ENTPD5: variants seen among roughly 807,000 people sequenced by gnomAD.
ENTPD5 encodes nucleoside diphosphate phosphatase ENTPD5.
A neutral mutation model predicts 60.2 loss-of-function variants in ENTPD5; 49 were observed. The ratio of observed to expected loss-of-function variants is 0.81; its 90% confidence interval spans 0.65 to 1.03. The LOEUF (loss-of-function observed/expected upper bound fraction) is 1.03. Among genes scored for constraint, ENTPD5 ranks in the 50% least tolerant of loss-of-function variants. ENTPD5 has a pLI of 0.00. For synonymous variants in ENTPD5, 187 were observed against 185.4 expected, an observed-to-expected ratio of 1.01 and a Z score of -0.07; for missense variants, 480 against 507.6, an observed-to-expected ratio of 0.95 and a Z score of 0.52.
chr14:73,990,443 T>C (rs1352600757), intron 3 of ENTPD5, among the ~76,000 whole-genome samples: 2 of 151,886 alleles, frequency 1.3e-5, no homozygotes, highest in African/African-American at 2.4e-5. Context: ...CAAGTGATCC[T>C]TCCTCCTTAG....
At chr14:73,961,934 A>G (rs1158979004), downstream of ENTPD5, 4 of 1,612,772 alleles carry the variant, frequency 2.5e-6, no homozygotes, top group Non-Finnish European at 3.4e-6. Flanking sequence ...ATGACTTTGC[A>G]AACAGCTCTT....
intron 5 of ENTPD5, among the ~76,000 whole-genome samples, chr14:73,983,521 G>A (rs910889876): frequency 6.6e-6 from 1 of 151,440 alleles, no homozygotes; most frequent in African/African-American, 2.4e-5. Flanking sequence ...CTACTCGGGA[G>A]GCTGAGGCAA....
intron 5 of ENTPD5, among the ~76,000 whole-genome samples, chr14:73,984,666 A>G (rs1327977624): frequency 6.6e-6 from 1 of 151,976 alleles, no homozygotes; most frequent in Non-Finnish European, 1.5e-5. Context: ...TGCTTTCAAC[A>G]GCTCCTAATT....
chr14:73,984,537 T>A (rs2057821449), intron 5 of ENTPD5, among the ~76,000 whole-genome samples: 1 of 152,198 alleles, frequency 6.6e-6, no homozygotes, highest in African/African-American at 2.4e-5. Context: ...TTATTTTAAA[T>A]CCACTATTTC....
At position 74,018,179 on chromosome 14, in the gene ENTPD5, G is replaced by GAAAAA. The variant is rs35872561; in HGVS notation, c.-238+1066_-238+1070dup. Among the ~76,000 whole-genome samples the GAAAAA allele has an allele frequency of 1.3e-4, 16 of 122,698 alleles. 1 individual carries two copies. The East Asian group carries it at 2.1e-3, about 16-fold the overall frequency. 80.5% of individuals were successfully genotyped at this position (122,698 alleles called of 152,430 possible). On this transcript the variant is annotated intron_variant, in intron 1 of 15. Transcript: ENST00000334696. The stretch of plus-strand genomic sequence containing the variant: ...CTGGGTGACAGAAGACTCTCTCTCA[G>GAAAAA]AAAAAAAAAAAAAAAAGTTTACAAG...
chr14:73,963,218 G>T, downstream of ENTPD5: 1 of 585,572 alleles, frequency 1.7e-6, no homozygotes, highest in Non-Finnish European at 3.0e-6. Context: ...AACTTCGAAG[G>T]AAGACTTACA....
chr14:73,958,809 T>G, downstream of ENTPD5: 4 of 1,522,638 alleles, frequency 2.6e-6, no homozygotes, highest in Non-Finnish European at 2.6e-6. Context: ...GATGTGACAG[T>G]GCAGGGGCTC....
intron 3 of ENTPD5, among the ~76,000 whole-genome samples, chr14:73,999,491 C>T (rs990139277): frequency 2.1e-5 from 3 of 144,770 alleles, no homozygotes; most frequent in African/African-American, 5.2e-5. Flanking sequence ...CTGCCCCCCA[C>T]CCCCCCAAAA....
At position 73,966,334 on chromosome 14, in the gene ENTPD5, A is replaced by G. The variant is rs1202719294; in HGVS notation, c.*594T>C. On this transcript the variant is annotated 3_prime_UTR_variant, in exon 16 of 16. Transcript: ENST00000334696. Reference sequence around the variant, plus strand: ...AGGCTGTAATTTATGCACAGTTAGGAGTTACTCTCTCATCCTATTAATATT... The same window carrying G: ...AGGCTGTAATTTATGCACAGTTAGGGGTTACTCTCTCATCCTATTAATATT... 2 of 152,190 alleles carry G rather than the reference A, an allele frequency of 1.3e-5. No individual in the cohort carries two copies. The highest frequency in any genetic ancestry group is 2.9e-5 in the Non-Finnish European group (2 of 68,054). The allele number at this position is 152,190 out of a possible 1,614,324, so 9.4% of individuals were successfully genotyped here.
At chr14:74,018,531 A>ACTC (rs1221325465) in intron 1 of ENTPD5, 1 of 152,110 alleles carries the variant, frequency 6.6e-6, no homozygotes, top group Admixed American at 6.6e-5. Context: ...TTGTGAGTAC[A>ACTC]CTCCTTTTCA....
chr14:73,972,943 C>T lies in ENTPD5; in HGVS notation c.968G>A (p.Arg323Lys). The change falls in exon 13 of 16, where the codon AGA becomes AAA. Residue 323 changes from arginine to lysine, a missense_variant. Arg to Lys is a conservative substitution (Grantham distance 26). Coordinates refer to ENST00000334696, the MANE Select transcript of ENTPD5 (RefSeq NM_001249.5). ...GKLHQPEEVQ[R>K]GSFYAFSYYY... ...GTAAGAGAAAGCATAGAAGGAACCTCTCTGGACCTCCTCTGGCTGGTGAAG... is the reference window on the plus strand; with the variant it reads ...GTAAGAGAAAGCATAGAAGGAACCTTTCTGGACCTCCTCTGGCTGGTGAAG... 1 of 1,614,236 alleles carries T rather than the reference C, an allele frequency of 6.2e-7. No individual in the cohort carries two copies. Among genetic ancestry groups the T allele is most frequent in the Non-Finnish European group, 8.5e-7 (1 of 1,180,048 alleles).
chr14:74,017,606 C>CG (rs1566778642), intron 1 of ENTPD5, among the ~76,000 whole-genome samples: 1 of 149,816 alleles, frequency 6.7e-6, no homozygotes, highest in Admixed American at 6.7e-5. Flanking sequence ...ATTTTACAGC[C>CG]GGGGGCGGTG....
At chr14:74,002,915 T>TA (rs1436038277) in intron 3 of ENTPD5, among the ~76,000 whole-genome samples, 3 of 152,180 alleles carry the variant, frequency 2.0e-5, no homozygotes, top group African/African-American at 7.2e-5. Context: ...GTTTTCACCT[T>TA]ACTCTCCCCC....
intron 3 of ENTPD5, among the ~76,000 whole-genome samples, chr14:73,995,698 T>G (rs2058319610): frequency 6.6e-6 from 1 of 151,988 alleles, no homozygotes; most frequent in Non-Finnish European, 1.5e-5. Flanking sequence ...TTCCCCACAT[T>G]TGTTATATAA....
intron 15 of ENTPD5, among the ~76,000 whole-genome samples, chr14:73,967,386 AATG>A (rs1466133266): frequency 1.3e-5 from 2 of 152,262 alleles, no homozygotes; most frequent in Non-Finnish European, 2.9e-5. Context: ...GGCAACTTGT[AATG>A]ATAATAGATG....
intron 12 of ENTPD5, among the ~76,000 whole-genome samples, chr14:73,973,591 T>G (rs1227940901): frequency 1.3e-5 from 2 of 152,178 alleles, no homozygotes. Context: ...TGGGCTCAAG[T>G]GATCCTCTTG....
chr14:73,976,238 C>A, intron 9 of ENTPD5, 86 bp downstream of exon 9: 1 of 1,181,352 alleles, frequency 8.5e-7, no homozygotes, highest in Non-Finnish European at 1.3e-6. Flanking sequence ...GGTAGAGCTG[C>A]TGGCTGAAAA....
intron 1 of ENTPD5, among the ~76,000 whole-genome samples, chr14:74,017,505 G>C (rs914727274): frequency 3.3e-5 from 5 of 151,678 alleles, no homozygotes; most frequent in African/African-American, 1.2e-4. Context: ...CTTGAACTGG[G>C]AGGTGGAGGT....
chr14:73,962,552 C>T, downstream of ENTPD5: 1 of 182,328 alleles, frequency 5.5e-6, no homozygotes, highest in Non-Finnish European at 1.1e-5. Flanking sequence ...GAGTTAAGAC[C>T]AGTCTCTTGA....
Sources: gnomAD v4.1 joint callset for allele counts (sites outside exome capture counted in the v4.1 genomes callset) on GRCh38, gnomAD v4.1.1 for gene constraint, MANE v1.5 for transcripts, NCBI Gene and HGNC (gene_info 2026-07-23, HGNC 2026-07-21) for gene names.